ATP6V0A4: variants seen among roughly 807,000 people sequenced by gnomAD.
The protein encoded by ATP6V0A4 is ATPase H+ transporting V0 subunit a4, also known as V-type proton ATPase 116 kDa subunit a 4.
ATP6V0A4 carries 86 observed loss-of-function variants against 107.3 expected under a neutral mutation model. The ratio of observed to expected loss-of-function variants is 0.80; its 90% CI spans 0.67 to 0.96. The LOEUF is 0.96. ATP6V0A4 is among the 40% of genes least tolerant of loss of function. The pLI, the probability that ATP6V0A4 is intolerant of heterozygous loss-of-function variation, is 0.00. For synonymous variants in ATP6V0A4, 353 were observed against 381.4 expected (o/e 0.93, Z 0.87); for missense variants, 908 against 1,045.6 (o/e 0.87, Z 1.81).
At chr7:138,718,683 G>GTGCTGTCACGGATGTCTGCGGA (rs1804274738) in intron 19 of ATP6V0A4, among the ~76,000 whole-genome samples, 1 of 128,904 alleles carries the variant, frequency 7.8e-6, no homozygotes, top group Non-Finnish European at 1.7e-5. Flanking sequence ...GGGCGGGGGG[G>GTGCTGTCACGGATGTCTGCGGA]GGGGGTGCAG....
At chr7:138,788,577 T>C (rs1396496941) in intron 1 of ATP6V0A4, among the ~76,000 whole-genome samples, 1 of 152,232 alleles carries the variant, frequency 6.6e-6, no homozygotes, top group Non-Finnish European at 1.5e-5. Context: ...CAAATGCAGC[T>C]ATACCAAACT....
At chr7:138,767,388 T>G (rs983719121) in intron 5 of ATP6V0A4, among the ~76,000 whole-genome samples, 1 of 152,044 alleles carries the variant, frequency 6.6e-6, no homozygotes, top group Non-Finnish European at 1.5e-5. Context: ...CTGGGCGTGG[T>G]GGCGCATGCC....
chr7:138,730,224 T>C (rs1461886665), intron 17 of ATP6V0A4, among the ~76,000 whole-genome samples: 1 of 152,136 alleles, frequency 6.6e-6, no homozygotes, highest in Non-Finnish European at 1.5e-5. Flanking sequence ...AGGGAGACCA[T>C]GTGAACCCAA....
chr7:138,768,923 A>G (rs775577032), intron 4 of ATP6V0A4, 49 bp from the exon 5 acceptor site: 4 of 1,610,184 alleles, frequency 2.5e-6, no homozygotes, highest in Non-Finnish European at 3.4e-6. Context: ...GTGTTTTCTC[A>G]TAACTAAGAA....
chr7:138,795,015 A>G (rs1808591287), intron 1 of ATP6V0A4, among the ~76,000 whole-genome samples: 1 of 151,594 alleles, frequency 6.6e-6, no homozygotes, highest in South Asian at 2.1e-4. Flanking sequence ...CTCCTGCCTC[A>G]GCCTCCCAAG....
At chr7:138,707,704 T>C (rs942959637) in intron 21 of ATP6V0A4, among the ~76,000 whole-genome samples, 2 of 151,358 alleles carry the variant, frequency 1.3e-5, no homozygotes, top group Non-Finnish European at 2.9e-5. Flanking sequence ...ATCCAGGCCA[T>C]GAATCTGAGG....
intron 5 of ATP6V0A4, among the ~76,000 whole-genome samples, chr7:138,763,827 A>G (rs922101079): frequency 6.6e-6 from 1 of 151,498 alleles, no homozygotes; most frequent in African/African-American, 2.4e-5. Flanking sequence ...TCTACTAAAA[A>G]TACAGAAATT....
At position 138,715,744 on chromosome 7, in the gene ATP6V0A4, C is replaced by A. The variant is rs759114572; in HGVS notation, c.2257+20G>T. The A allele has an allele frequency of 7.4e-6, 12 of 1,612,644 alleles. No individual in the cohort carries two copies. The highest frequency in any genetic ancestry group is 9.3e-6 in the Non-Finnish European group (11 of 1,179,126). On this transcript the variant is annotated intron_variant, in intron 20 of 21. Coordinates refer to ENST00000310018, the MANE Select transcript of ATP6V0A4 (RefSeq NM_020632.3). ...GTGTTGGGGAGAGCTGACTGTCCCCCCGATGGGCTGCTCACTCACGTGCAT... is the reference window on the plus strand; with the variant it reads ...GTGTTGGGGAGAGCTGACTGTCCCCACGATGGGCTGCTCACTCACGTGCAT...
At chr7:138,756,713 C>G (rs1806532973) in intron 8 of ATP6V0A4, 173 bp from the exon 9 acceptor site, 1 of 410,906 alleles carries the variant, frequency 2.4e-6, no homozygotes, top group Non-Finnish European at 3.3e-6. Context: ...GAGAGCAAGG[C>G]CATCCAGGAC....
chr7:138,795,885 G>A (rs62486978), intron 1 of ATP6V0A4, among the ~76,000 whole-genome samples: 18,068 of 152,118 alleles, frequency 0.12, 1,422 homozygotes, highest in Non-Finnish European at 0.18. Flanking sequence ...GAACTCCCTG[G>A]CTCAAGTGAT....
At chr7:138,732,654 C>G (rs1440177615) in intron 17 of ATP6V0A4, among the ~76,000 whole-genome samples, 1 of 151,884 alleles carries the variant, frequency 6.6e-6, no homozygotes, top group East Asian at 1.9e-4. Context: ...ATTAGCCAGG[C>G]GTGGTGGCGT....
At chr7:138,767,150 G>A (rs1400172176) in intron 5 of ATP6V0A4, among the ~76,000 whole-genome samples, 3 of 152,182 alleles carry the variant, frequency 2.0e-5, no homozygotes, top group African/African-American at 2.4e-5. Context: ...CATGTAATGA[G>A]ACATTATTGT....
intron 21 of ATP6V0A4, among the ~76,000 whole-genome samples, chr7:138,708,230 A>G (rs1035581306): frequency 1.3e-5 from 2 of 151,852 alleles, no homozygotes; most frequent in African/African-American, 2.4e-5. Flanking sequence ...TTGTATTTTC[A>G]GTAGAGACGG....
intron 17 of ATP6V0A4, among the ~76,000 whole-genome samples, chr7:138,732,467 G>GT (rs972218358): frequency 6.6e-6 from 1 of 152,034 alleles, no homozygotes; most frequent in Non-Finnish European, 1.5e-5. Context: ...AGATGGCTCA[G>GT]TTTTACAAAT....
intron 2 of ATP6V0A4, among the ~76,000 whole-genome samples, chr7:138,772,825 A>C (rs1044286206): frequency 6.6e-6 from 1 of 152,106 alleles, no homozygotes; most frequent in African/African-American, 2.4e-5. Flanking sequence ...TCCATTCCTT[A>C]ATAGACCATC....
chr7:138,777,986 C>T (rs1807746518), intron 2 of ATP6V0A4, among the ~76,000 whole-genome samples: 1 of 152,142 alleles, frequency 6.6e-6, no homozygotes, highest in East Asian at 1.9e-4. Context: ...TGTGACAGGT[C>T]GCAATCAAAA....
chr7:138,745,658 C>CAAAA (rs566336992), intron 13 of ATP6V0A4, among the ~76,000 whole-genome samples: 2 of 42,758 alleles, frequency 4.7e-5, no homozygotes, highest in African/African-American at 2.0e-4. Context: ...GCCTGTGTCT[C>CAAAA]AAAAAAAAAA....
chr7:138,709,913 T>C (rs986342868), intron 20 of ATP6V0A4, 118 bp from the exon 21 acceptor site: 3 of 1,214,386 alleles, frequency 2.5e-6, no homozygotes, highest in African/African-American at 1.6e-5. Flanking sequence ...AGGGTCTCAC[T>C]CTGTTGCCTA....
At chr7:138,769,049 T>C (rs1482530004) in intron 4 of ATP6V0A4, 124 bp downstream of exon 4, 19 of 1,564,070 alleles carry the variant, frequency 1.2e-5, no homozygotes, top group African/African-American at 2.7e-5. Flanking sequence ...CAGGTGGGCC[T>C]CTGGGACCAC....
Sources: allele counts gnomAD v4.1 joint callset (sites outside exome capture counted in the v4.1 genomes callset), GRCh38; gene constraint gnomAD v4.1.1; transcripts MANE v1.5; gene names NCBI Gene and HGNC (gene_info 2026-07-23, HGNC 2026-07-21).